RSRC2: variants seen among roughly 807,000 people sequenced by gnomAD.
RSRC2 encodes the protein arginine/serine-rich coiled-coil protein 2.
Under a neutral mutation model 61.3 loss-of-function variants are expected in RSRC2, and 5 were observed. The observed-to-expected ratio is 0.08, with a 90% confidence interval of 0.04 to 0.17. The LOEUF (loss-of-function observed/expected upper bound fraction) is 0.17. RSRC2 is among the 10% of genes least tolerant of loss of function. The probability of loss-of-function intolerance (pLI) is 1.00; values close to 1 mark genes in which losing one functional copy is unlikely to be tolerated. For synonymous variants in RSRC2, 202 were observed against 166.5 expected (o/e 1.21, Z -1.64); for missense variants, 381 against 518.8 (o/e 0.73, Z 2.58).
intron 6 of RSRC2, chr12:122,514,499 C>G: frequency 3.0e-6 from 2 of 664,756 alleles, no homozygotes; most frequent in Non-Finnish European, 3.7e-6. Flanking sequence ...CTCCTGACCT[C>G]AAGTGATCCG....
In RSRC2 at chr12:122,506,727, A is replaced by G. The variant is rs940044541; in HGVS notation, c.1125+107T>C. On this transcript the variant is annotated intron_variant, in intron 9 of 9. Coordinates refer to ENST00000331738, the MANE Select transcript of RSRC2 (RefSeq NM_023012.6). ...CACAAAAGGTGGTGGGAAAGAACTC[A>G]AAAACGCTGACACCTGAGTAAAGAC... 1.5e-5 allele frequency: 11 copies of G among 716,158 alleles called. No homozygotes were observed. The African/African-American group carries it at 1.8e-4, about 12-fold the overall frequency. 44.4% of individuals were successfully genotyped at this position (716,158 alleles called of 1,614,324 possible).
At chr12:122,511,263 T>C (rs1002512807) in intron 6 of RSRC2, 75 bp from the exon 7 acceptor site, 8 of 1,094,838 alleles carry the variant, frequency 7.3e-6, no homozygotes, top group African/African-American at 1.6e-5. Context: ...TATATGTGCA[T>C]GTACAGAGAC....
rs149900361 is a variant in RSRC2, at chr12:122,520,330, A to G, written c.207+1055T>C. On this transcript the variant is annotated intron_variant, in intron 3 of 9. Coordinates refer to ENST00000331738, the MANE Select transcript of RSRC2 (RefSeq NM_023012.6). ...AAAAGAAATTTTCCTTGGTTTTGCT[A>G]TAACGAGGCAGACTGGAAAAGTCTT... 634 of 356,266 alleles carry G rather than the reference A, an allele frequency of 1.8e-3. 3 individuals are homozygous for G. Among genetic ancestry groups the G allele is most frequent in the African/African-American group, 0.013 (604 of 46,662 alleles). The allele number at this position is 356,266 out of a possible 1,614,324, so 22.1% of individuals were successfully genotyped here.
rs778858607 is a variant in RSRC2, at chr12:122,517,346, C to T, written c.483G>A (p.Glu161=). Reference sequence around the variant, plus strand: ...TGCTTCTGGATCTCGATTTCTTCCTCTCTCTGCTTCTGGATCTCGATTTCT... The same window carrying T: ...TGCTTCTGGATCTCGATTTCTTCCTTTCTCTGCTTCTGGATCTCGATTTCT... The part of the protein sequence containing the change: ...ERKKSRSRSR[E]RKKSRSRSRE... The change falls in exon 5 of 10, where the codon GAG becomes GAA. Residue 161 remains glutamate, a synonymous_variant. Transcript: ENST00000331738. The T allele has an allele frequency of 6.2e-7, 1 of 1,613,778 alleles. No individual in the cohort carries two copies. The highest frequency in any genetic ancestry group is 1.3e-5 in the African/African-American group (1 of 74,896).
At chr12:122,506,741 C>A in intron 9 of RSRC2, 93 bp downstream of exon 9, 3 of 768,132 alleles carry the variant, frequency 3.9e-6, no homozygotes, top group East Asian at 2.5e-5. Context: ...ACGCTGACAC[C>A]TGAGTAAAGA....
chr12:122,524,468 C>T (rs760964632), intron 1 of RSRC2, among the ~76,000 whole-genome samples: 1 of 152,188 alleles, frequency 6.6e-6, no homozygotes. Flanking sequence ...GAATCGAAAA[C>T]AACCTTCTCA....
At chr12:122,517,874 TA>T (rs559390614) in intron 4 of RSRC2, among the ~76,000 whole-genome samples, 2 of 152,050 alleles carry the variant, frequency 1.3e-5, no homozygotes, top group Non-Finnish European at 2.9e-5. Flanking sequence ...ACTCCAACAT[TA>T]AAAAAAATCT....
chr12:122,513,227 A>AT lies in RSRC2; in HGVS notation c.725+1877dup, dbSNP rs1258930427. Among the ~76,000 whole-genome samples the AT allele has an allele frequency of 5.2e-5, 5 of 95,856 alleles. No individual in the cohort carries two copies. In the South Asian group the frequency reaches 9.5e-4, roughly 18 times the overall value. The allele number at this position is 95,856 out of a possible 152,430, so 62.9% of individuals were successfully genotyped here. A position where few individuals can be genotyped will look rare whatever the true frequency, so the allele number is the denominator to read the frequency against. Reference sequence around the variant, plus strand: ...AATAAATAAATAAATAAATAAATAAATAAATAAATAAATAAATAAAATAAA... The same window carrying AT: ...AATAAATAAATAAATAAATAAATAAATTAAATAAATAAATAAATAAAATAAA... On this transcript the variant is annotated intron_variant, in intron 6 of 9. Transcript: ENST00000331738.
intron 2 of RSRC2, 108 bp from the exon 3 acceptor site, chr12:122,521,536 A>G (rs1462364001): frequency 3.3e-6 from 3 of 895,730 alleles, no homozygotes; most frequent in African/African-American, 1.7e-5. Flanking sequence ...TCTTCTTCCA[A>G]TGACTAATTT....
At chr12:122,522,424 C>T (rs1015981358) in intron 1 of RSRC2, 125 bp from the exon 2 acceptor site, 9 of 902,430 alleles carry the variant, frequency 1.0e-5, no homozygotes, top group Non-Finnish European at 1.5e-5. Context: ...TGCCTGCTTT[C>T]CAAGTAACTA....
chr12:122,514,250 TTGTGTG>T (rs949028606), intron 6 of RSRC2, among the ~76,000 whole-genome samples: 20 of 143,942 alleles, frequency 1.4e-4, no homozygotes, highest in South Asian at 1.1e-3. Context: ...AAATTTATTT[TTGTGTG>T]TGTGTGTGTG....
Position 122,521,453 on chromosome 12 carries a change from C to G in RSRC2, c.164-25G>C. ...TCTGTGAATACACAAAAAAAATAAT[C>G]ACCATAAACAAAGTTGGAGAAACAT... On this transcript the variant is annotated intron_variant, in intron 2 of 9. Coordinates refer to ENST00000331738, the MANE Select transcript of RSRC2 (RefSeq NM_023012.6). 1.9e-6 allele frequency: 3 copies of G among 1,598,158 alleles called. No individual in the cohort carries two copies. In the South Asian group the frequency reaches 3.3e-5, roughly 18 times the overall value.
chr12:122,521,360 C>T (rs763444604), intron 3 of RSRC2, 25 bp downstream of exon 3: 16 of 1,566,712 alleles, frequency 1.0e-5, no homozygotes, highest in African/African-American at 5.4e-5. Context: ...TTTAAAGTAC[C>T]TATTCACTAC....
intron 6 of RSRC2, among the ~76,000 whole-genome samples, chr12:122,513,383 A>C (rs1052345630): frequency 6.6e-6 from 1 of 151,972 alleles, no homozygotes; most frequent in Non-Finnish European, 1.5e-5. Flanking sequence ...CTTAAGAAAA[A>C]AATTCTCCAG....
At chr12:122,514,853 G>T in intron 6 of RSRC2, 1 of 683,770 alleles carries the variant, frequency 1.5e-6, no homozygotes, top group Non-Finnish European at 2.1e-6. Flanking sequence ...ATATTTGGGA[G>T]TCTAAATTTG....
intron 1 of RSRC2, chr12:122,523,443 G>A (rs1163417964): frequency 1.3e-5 from 2 of 152,218 alleles, no homozygotes; most frequent in Non-Finnish European, 2.9e-5. Flanking sequence ...TTGAACCCAT[G>A]AGGCAGACGT....
chr12:122,515,781 G>A (rs1403717213), intron 5 of RSRC2, among the ~76,000 whole-genome samples: 1 of 152,168 alleles, frequency 6.6e-6, no homozygotes, highest in Non-Finnish European at 1.5e-5. Flanking sequence ...CCTGAGGTCA[G>A]GAGTTCGAGA....
intron 1 of RSRC2, chr12:122,523,126 C>G (rs1327583517): frequency 6.6e-6 from 1 of 152,130 alleles, no homozygotes; most frequent in African/African-American, 2.4e-5. Context: ...TGGCCTTGAG[C>G]TAGGAATGGT....
At chr12:122,509,482 A>T (rs1029158085) in intron 7 of RSRC2, among the ~76,000 whole-genome samples, 1 of 151,776 alleles carries the variant, frequency 6.6e-6, no homozygotes, top group African/African-American at 2.4e-5. Flanking sequence ...ACAAAAAAAA[A>T]CCCAAAAACA....
Sources: gnomAD v4.1 joint callset for allele counts (sites outside exome capture counted in the v4.1 genomes callset) on GRCh38, gnomAD v4.1.1 for gene constraint, MANE v1.5 for transcripts, NCBI Gene and HGNC (gene_info 2026-07-23, HGNC 2026-07-21) for gene names.